Variants in AGAP1 observed in about 807,000 individuals in gnomAD.
AGAP1 encodes ArfGAP with GTPase domain, ankyrin repeat and PH domain 1, also known as arf-GAP with GTPase, ANK repeat and PH domain-containing protein 1.
Under a neutral mutation model 105.3 loss-of-function variants are expected in AGAP1, and 29 were observed. The ratio of observed to expected loss-of-function variants is 0.28; its 90% CI spans 0.21 to 0.38. The LOEUF is 0.38. Ranked by LOEUF, AGAP1 falls within the 10% of genes least tolerant of loss-of-function variation. The pLI, the probability that AGAP1 is intolerant of heterozygous loss-of-function variation, is 1.00. For synonymous variants in AGAP1, 509 were observed against 485.9 expected, an observed-to-expected ratio of 1.05 and a Z score of -0.63; for missense variants, 998 against 1,165.1, an observed-to-expected ratio of 0.86 and a Z score of 2.09.
In AGAP1 at chr2:235,981,691, A is replaced by G. The variant is rs931007454; in HGVS notation, c.1645+13068A>G. 2.6e-5 allele frequency among the ~76,000 whole-genome samples: 4 copies of G among 152,156 alleles called. No homozygotes were observed. The highest frequency in any genetic ancestry group is 9.7e-5 in the African/African-American group (4 of 41,446). ...ACACGCAGCGTCTCATAACCCTCAC[A>G]AGAACCTGGGAGGTGGGTGCCGTTA... On this transcript the variant is annotated intron_variant, in intron 13 of 17. Coordinates refer to ENST00000304032, the MANE Select transcript of AGAP1 (RefSeq NM_001037131.3). This position sits in a 1 kb window ranked among gnomAD's most constrained non-coding sequence, Gnocchi z 5.5.
intron 16 of AGAP1, among the ~76,000 whole-genome samples, chr2:236,117,222 G>A (rs2059791952): frequency 2.0e-5 from 3 of 152,300 alleles, no homozygotes; most frequent in Admixed American, 6.5e-5. Context: ...CACCAGCAGC[G>A]TAGAAGTGTT....
chr2:235,796,483 A>G (rs1224234675), intron 6 of AGAP1, among the ~76,000 whole-genome samples: 5 of 152,226 alleles, frequency 3.3e-5, no homozygotes, highest in Admixed American at 6.5e-5. Context: ...ATTAATTGAT[A>G]TCATCCTTTC....
At chr2:235,808,271 G>A (rs923321170) in intron 9 of AGAP1, among the ~76,000 whole-genome samples, 6 of 152,290 alleles carry the variant, frequency 3.9e-5, no homozygotes, top group South Asian at 2.1e-4. Context: ...GTGCACCTCC[G>A]GTCCAGCTCA....
At chr2:235,498,619 A>G (rs1335290535) in intron 1 of AGAP1, among the ~76,000 whole-genome samples, 2 of 152,324 alleles carry the variant, frequency 1.3e-5, no homozygotes, top group East Asian at 1.9e-4. Context: ...TTCTTCTTTC[A>G]AGGATAAAGC....
intron 16 of AGAP1, among the ~76,000 whole-genome samples, chr2:236,098,620 C>CTTTTTGTTTTTTTTTTTTTT (rs1323650327): frequency 8.7e-6 from 1 of 115,256 alleles, no homozygotes; most frequent in African/African-American, 3.9e-5. Context: ...TCTTTTTTTC[C>CTTTTTGTTTTTTTTTTTTTT]TTTTTTTTTT....
chr2:235,777,146 C>A lies in AGAP1; in HGVS notation c.674-20613C>A, dbSNP rs970637123. ...GGCCAAGGCGGGTGGATCACGAGGT[C>A]AGGAGATCGAGACCATCCTGGCTAA... is the stretch of plus-strand genomic sequence containing the variant. On this transcript the variant is annotated intron_variant, in intron 6 of 17. Transcript: ENST00000304032. The surrounding 1 kb of genome is among the most constrained non-coding windows in gnomAD (Gnocchi z 5.1). 7 of 445,544 alleles carry A rather than the reference C, an allele frequency of 1.6e-5. No homozygotes were observed. The highest frequency in any genetic ancestry group is 3.2e-5 in the Non-Finnish European group (7 of 216,426). The allele number at this position is 445,544 out of a possible 1,614,324, so 27.6% of individuals were successfully genotyped here.
intron 15 of AGAP1, among the ~76,000 whole-genome samples, chr2:236,048,139 A>C (rs1481029748): frequency 6.6e-6 from 1 of 152,174 alleles, no homozygotes; most frequent in African/African-American, 2.4e-5. Flanking sequence ...CAGGTGAGTA[A>C]GCCGTATTTA....
At chr2:236,065,371 G>A (rs2125773934) in intron 16 of AGAP1, among the ~76,000 whole-genome samples, 1 of 152,338 alleles carries the variant, frequency 6.6e-6, no homozygotes, top group South Asian at 2.1e-4. Context: ...TCGACTGGAT[G>A]CATTTTATTT....
rs970964428 is a variant in AGAP1, at chr2:235,893,587, T to C, written c.1155+10138T>C. Among the ~76,000 whole-genome samples, 12 of 152,288 alleles carry C rather than the reference T, an allele frequency of 7.9e-5. No individual in the cohort carries two copies. The East Asian group carries it at 1.9e-3, about 25-fold the overall frequency. ...TCATGAGGGTGCGCCGTGTCCGTCA[T>C]GCAGATGTGCCTTCATGGCCCTCCC... On this transcript the variant is annotated intron_variant, in intron 10 of 17. Transcript: ENST00000304032. The surrounding 1 kb of genome is among the most constrained non-coding windows in gnomAD (Gnocchi z 4.7).
In AGAP1 at chr2:235,635,950, T is replaced by C. The variant is rs997748655; in HGVS notation, c.164-73229T>C. Among the ~76,000 whole-genome samples, 2 of 151,794 alleles carry C rather than the reference T, an allele frequency of 1.3e-5. No individual in the cohort carries two copies. The highest frequency in any genetic ancestry group is 4.8e-5 in the African/African-American group (2 of 41,288). ...CAACATGGTGAAACCCCGTCTCTAC[T>C]AAAACTACAAAAATGAGCTGGGCAT... On this transcript the variant is annotated intron_variant, in intron 1 of 17. Coordinates refer to ENST00000304032, the MANE Select transcript of AGAP1 (RefSeq NM_001037131.3). This position sits in a 1 kb window ranked among gnomAD's most constrained non-coding sequence, Gnocchi z 5.3.
In AGAP1 at chr2:235,992,103, C is replaced by T. The variant is rs1234314212; in HGVS notation, c.1645+23480C>T. ...GTGTGGAGAAGGGTTGTGATGGTGG[C>T]CATCACGAGACCCAGATAACAGGAG... is the stretch of plus-strand genomic sequence containing the variant. On this transcript the variant is annotated intron_variant, in intron 13 of 17. Transcript: ENST00000304032. This position sits in a 1 kb window ranked among gnomAD's most constrained non-coding sequence, Gnocchi z 4.8. Among the ~76,000 whole-genome samples the T allele has an allele frequency of 1.3e-5, 2 of 152,220 alleles. No homozygotes were observed. The highest frequency in any genetic ancestry group is 6.5e-5 in the Admixed American group (1 of 15,286).
In AGAP1 at chr2:235,865,131, GAAT is replaced by G. The variant is rs997464261; in HGVS notation, c.1051-18210_1051-18208del. Among the ~76,000 whole-genome samples, 2 of 152,200 alleles carry G rather than the reference GAAT, an allele frequency of 1.3e-5. No homozygotes were observed. The highest frequency in any genetic ancestry group is 6.5e-5 in the Admixed American group (1 of 15,280). On this transcript the variant is annotated intron_variant, in intron 9 of 17. Coordinates refer to ENST00000304032, the MANE Select transcript of AGAP1 (RefSeq NM_001037131.3). This position sits in a 1 kb window ranked among gnomAD's most constrained non-coding sequence, Gnocchi z 6.2. ...AGCATACATTTCGGGGCAGTTAGCT[GAAT>G]AATTCTTTTCTTTATTATCCCAAAT...
In AGAP1 at chr2:235,925,892, A is replaced by C. The variant is rs542270493; in HGVS notation, c.1325-4873A>C. Among the ~76,000 whole-genome samples the C allele has an allele frequency of 4.6e-5, 7 of 152,370 alleles. No individual in the cohort carries two copies. In the South Asian group the frequency reaches 6.2e-4, roughly 14 times the overall value. On this transcript the variant is annotated intron_variant, in intron 11 of 17. Transcript: ENST00000304032. ...AAAAAAGTTATCCAGCTTGTTTCAC[A>C]AATGAGAACTTCAGACCTTCAGCCT... is the stretch of plus-strand genomic sequence containing the variant.
At chr2:235,835,018 C>G (rs576812064) in intron 9 of AGAP1, among the ~76,000 whole-genome samples, 5 of 152,340 alleles carry the variant, frequency 3.3e-5, no homozygotes, top group Admixed American at 2.6e-4. Flanking sequence ...AGCAGGGAGT[C>G]TCGCTTAAAG....
In AGAP1 at chr2:235,883,221, C is replaced by A; in HGVS notation, c.1051-124C>A. On this transcript the variant is annotated intron_variant, in intron 9 of 17. Transcript: ENST00000304032. The surrounding 1 kb of genome is among the most constrained non-coding windows in gnomAD (Gnocchi z 4.5). ...AACTAATGGCATATCTTTTAGCATT[C>A]GCCAGTATCACAGAGTGAAGTTCTG... 1 of 720,662 alleles carries A rather than the reference C, an allele frequency of 1.4e-6. No homozygotes were observed. The highest frequency in any genetic ancestry group is 2.4e-6 in the Non-Finnish European group (1 of 419,972). The allele number at this position is 720,662 out of a possible 1,614,324, so 44.6% of individuals were successfully genotyped here.
chr2:235,631,476 G>T lies in AGAP1; in HGVS notation c.164-77703G>T, dbSNP rs1051431699. The stretch of plus-strand genomic sequence containing the variant: ...GAGAGGGTTTCTGGGTCCCAGGACC[G>T]GACTGCGTGGTCCTGGTTATACCTG... On this transcript the variant is annotated intron_variant, in intron 1 of 17. Coordinates refer to ENST00000304032, the MANE Select transcript of AGAP1 (RefSeq NM_001037131.3). The surrounding 1 kb of genome is among the most constrained non-coding windows in gnomAD (Gnocchi z 5.4). Among the ~76,000 whole-genome samples, 1 of 152,182 alleles carries T rather than the reference G, an allele frequency of 6.6e-6. No homozygotes were observed. Among genetic ancestry groups the T allele is most frequent in the Non-Finnish European group, 1.5e-5 (1 of 68,026 alleles).
rs34701466 is a variant in AGAP1 at position 236,044,767 on chromosome 2, TCA to T, written c.1891+3947_1891+3948del. Among the ~76,000 whole-genome samples the T allele has an allele frequency of 0.43, 64,541 of 149,924 alleles. 15,903 individuals are homozygous for T. Among genetic ancestry groups the T allele is most frequent in the African/African-American group, 0.69 (28,321 of 40,838 alleles). On this transcript the variant is annotated intron_variant, in intron 15 of 17. Coordinates refer to ENST00000304032, the MANE Select transcript of AGAP1 (RefSeq NM_001037131.3). This position sits in a 1 kb window ranked among gnomAD's most constrained non-coding sequence, Gnocchi z 5.7. ...CCTTCCCTGACCTCCAGGTTTGAAA[TCA>T]CACACACACACACACACACATCCCT...
chr2:235,770,272 A>G (rs990288802), intron 6 of AGAP1, among the ~76,000 whole-genome samples: 5 of 144,956 alleles, frequency 3.4e-5, no homozygotes, highest in Admixed American at 3.0e-4. Flanking sequence ...AGCTGGGACT[A>G]CAGACGCACG....
chr2:235,640,982 T>A (rs1947171014), intron 1 of AGAP1, among the ~76,000 whole-genome samples: 1 of 152,238 alleles, frequency 6.6e-6, no homozygotes, highest in Non-Finnish European at 1.5e-5. Flanking sequence ...AGTTGTCTGA[T>A]AACAATGTCT....
Sources: gnomAD v4.1 joint callset for allele counts (sites outside exome capture counted in the v4.1 genomes callset) on GRCh38, gnomAD v4.1.1 for gene constraint, Gnocchi (gnomAD v3.1) non-coding constraint, MANE v1.5 for transcripts, NCBI Gene and HGNC (gene_info 2026-07-23, HGNC 2026-07-21) for gene names.